SGK3: variants seen among roughly 807,000 people sequenced by gnomAD.
SGK3 encodes the protein serum/glucocorticoid regulated kinase family member 3.
SGK3 carries 47 observed loss-of-function variants against 68.5 expected under a neutral mutation model. That is an observed-to-expected ratio of 0.69 (90% CI 0.54 to 0.87). The LOEUF is 0.87. Among genes scored for constraint, SGK3 ranks in the 40% least tolerant of loss-of-function variants. The pLI, the probability that SGK3 is intolerant of heterozygous loss-of-function variation, is 0.00. For synonymous variants in SGK3, 181 were observed against 189.1 expected (o/e 0.96, Z 0.35); for missense variants, 479 against 575.5 (o/e 0.83, Z 1.72).
At chr8:66,724,215 A>G (rs1379026495) in intron 1 of SGK3, among the ~76,000 whole-genome samples, 2 of 152,252 alleles carry the variant, frequency 1.3e-5, no homozygotes, top group Admixed American at 6.5e-5. Flanking sequence ...CCTGGCCTCA[A>G]GCTATCCTCC....
At position 66,840,994 on chromosome 8, in the gene SGK3, G is replaced by A. The variant is rs372512463; in HGVS notation, c.892-30G>A. On this transcript the variant is annotated intron_variant, in intron 12 of 16. Transcript: ENST00000521198. ...AATTGTCAATTCATATTTATGCATT[G>A]TTTTATCTTACTGCCCCTGTATTTG... 67 of 1,463,644 alleles carry A rather than the reference G, an allele frequency of 4.6e-5. No homozygotes were observed. In the African/African-American group the frequency reaches 8.2e-4, roughly 18 times the overall value. 90.7% of individuals were successfully genotyped at this position (1,463,644 alleles called of 1,614,324 possible). A position where few individuals can be genotyped will look rare whatever the true frequency, so the allele number is the denominator to read the frequency against.
intron 14 of SGK3, among the ~76,000 whole-genome samples, 184 bp downstream of exon 14, chr8:66,843,731 C>T (rs1446230598): frequency 2.0e-5 from 3 of 152,132 alleles, no homozygotes; most frequent in African/African-American, 4.8e-5. Context: ...TGGTGGCTCA[C>T]GCCAGTAATC....
chr8:66,751,218 C>T (rs1037750398), intron 1 of SGK3, among the ~76,000 whole-genome samples: 4 of 151,926 alleles, frequency 2.6e-5, no homozygotes, highest in African/African-American at 4.8e-5. Flanking sequence ...AGGAGAATGG[C>T]GTGAAAAAAA....
At chr8:66,832,751 A>AG (rs1280965996) in intron 8 of SGK3, among the ~76,000 whole-genome samples, 3 of 151,704 alleles carry the variant, frequency 2.0e-5, no homozygotes, top group African/African-American at 4.8e-5. Flanking sequence ...AAAAAAAAAA[A>AG]GTCATTATCT....
At chr8:66,761,086 A>T (rs911536679) in intron 1 of SGK3, among the ~76,000 whole-genome samples, 22 of 151,930 alleles carry the variant, frequency 1.4e-4, no homozygotes, top group South Asian at 4.2e-4. Context: ...TTACTGCTTT[A>T]TCAAGGACAT....
chr8:66,791,466 A>C (rs1807449588), intron 1 of SGK3, among the ~76,000 whole-genome samples: 1 of 151,894 alleles, frequency 6.6e-6, no homozygotes, highest in South Asian at 2.1e-4. Flanking sequence ...TCTACACTTA[A>C]CTCCCAGCTG....
intron 5 of SGK3, 103 bp downstream of exon 5, chr8:66,814,031 C>CTA: frequency 1.2e-6 from 1 of 866,214 alleles, no homozygotes; most frequent in Admixed American, 3.9e-5. Context: ...TGTTACTGTG[C>CTA]TATATATGTT....
chr8:66,806,185 CTCTT>C (rs900208435), intron 4 of SGK3, among the ~76,000 whole-genome samples: 3 of 150,772 alleles, frequency 2.0e-5, no homozygotes, highest in Non-Finnish European at 4.4e-5. Context: ...TTTTTTTTCT[CTCTT>C]TCTTTCTTTT....
intron 1 of SGK3, among the ~76,000 whole-genome samples, chr8:66,757,822 G>A (rs1177476649): frequency 6.6e-6 from 1 of 150,828 alleles, no homozygotes; most frequent in Non-Finnish European, 1.5e-5. Context: ...GGTTGAGGCA[G>A]GAGAATCGCT....
chr8:66,723,619 A>T (rs1804889686), intron 1 of SGK3, among the ~76,000 whole-genome samples: 1 of 151,954 alleles, frequency 6.6e-6, no homozygotes, highest in Non-Finnish European at 1.5e-5. Flanking sequence ...AATTTTGTTT[A>T]TTTTTTGTAG....
chr8:66,826,609 C>T (rs1809065780), intron 6 of SGK3, among the ~76,000 whole-genome samples: 1 of 150,354 alleles, frequency 6.7e-6, no homozygotes, highest in Admixed American at 6.6e-5. Context: ...AACACTGGTG[C>T]CAATGTTGTT....
intron 4 of SGK3, 128 bp downstream of exon 4, chr8:66,804,575 C>G (rs189156724): frequency 1.1e-6 from 1 of 947,200 alleles, no homozygotes; most frequent in African/African-American, 1.7e-5. Flanking sequence ...AAAATAATGC[C>G]GCAGGAAGGT....
chr8:66,767,776 G>T (rs1441720418), intron 1 of SGK3: 1 of 1,576,078 alleles, frequency 6.3e-7, no homozygotes, highest in Non-Finnish European at 8.7e-7. Flanking sequence ...GGGTCCATTG[G>T]TCTTTACTGA....
intron 1 of SGK3, among the ~76,000 whole-genome samples, chr8:66,760,630 G>A (rs1339154307): frequency 2.6e-5 from 4 of 151,814 alleles, no homozygotes; most frequent in East Asian, 1.9e-4. Context: ...CACTGTGCCC[G>A]GCCACTTTGT....
chr8:66,758,011 TACACACACAC>T (rs374764386), intron 1 of SGK3, among the ~76,000 whole-genome samples: 4 of 133,666 alleles, frequency 3.0e-5, no homozygotes, highest in African/African-American at 5.7e-5. Context: ...ACACACACAC[TACACACACAC>T]ACACACACAC....
intron 16 of SGK3, among the ~76,000 whole-genome samples, chr8:66,858,245 C>T (rs1810604070): frequency 6.6e-6 from 1 of 151,726 alleles, no homozygotes; most frequent in Admixed American, 6.6e-5. Context: ...GCAGGTGGAT[C>T]ACGAGGTCAG....
intron 1 of SGK3, among the ~76,000 whole-genome samples, chr8:66,743,649 G>A (rs960934101): frequency 6.6e-6 from 1 of 152,258 alleles, no homozygotes; most frequent in Non-Finnish European, 1.5e-5. Context: ...AGCCTGCTGA[G>A]TAGCTGGGAT....
At chr8:66,721,488 A>G (rs1358411021) in intron 1 of SGK3, among the ~76,000 whole-genome samples, 2 of 152,230 alleles carry the variant, frequency 1.3e-5, no homozygotes, top group Non-Finnish European at 2.9e-5. Context: ...GCCTTTAAGA[A>G]GGAAAAGGAA....
In SGK3 at chr8:66,822,400, G is replaced by A. The variant is rs780326958; in HGVS notation, c.358G>A (p.Asp120Asn). Residue 120 changes from aspartate to asparagine, a missense_variant, in exon 6 of 17, where the codon GAC (aspartate) becomes AAC (asparagine). Asp to Asn is a conservative substitution (Grantham distance 23, BLOSUM62 1). Around this residue, in one of 3 missense-constraint regions of SGK3, gnomAD observed 298 missense variants for 329.4 expected, o/e 0.90. Coordinates refer to ENST00000521198, the MANE Select transcript of SGK3 (RefSeq NM_001033578.3). ...AGATGTCAGAGCATTCCTTCAAATG[G>A]ACAGTCCAAAACACCAGTCAGATCC... ...HPDVRAFLQM[D>N]SPKHQSDPSE... 1.2e-6 allele frequency: 2 copies of A among 1,609,700 alleles called. No individual in the cohort carries two copies. The highest frequency in any genetic ancestry group is 1.1e-5 in the South Asian group (1 of 90,140).
Sources: allele counts gnomAD v4.1 joint callset (sites outside exome capture counted in the v4.1 genomes callset), GRCh38; gene constraint gnomAD v4.1.1; regional missense constraint gnomAD v4.1.1; transcripts MANE v1.5; gene names NCBI Gene and HGNC (gene_info 2026-07-23, HGNC 2026-07-21).